DLC1: variants seen among roughly 807,000 people sequenced by gnomAD.
DLC1 encodes DLC1 Rho GTPase activating protein, also known as rho GTPase-activating protein 7.
DLC1 carries 54 observed loss-of-function variants against 140.3 expected under a neutral mutation model. That is an observed-to-expected ratio of 0.38 (90% CI 0.31 to 0.48). DLC1 has a LOEUF of 0.48. Ranked by LOEUF, DLC1 falls within the 20% of genes least tolerant of loss-of-function variation. The pLI is 0.96. For missense variants in DLC1, 2,536 were observed against 1,907.0 expected, an observed-to-expected ratio of 1.33 and a Z score of -6.14; for synonymous variants, 986 against 728.1, an observed-to-expected ratio of 1.35 and a Z score of -5.70.
At chr8:13,566,743 G>A (rs1038866390) in intron 1 of DLC1, 8 of 493,626 alleles carry the variant, frequency 1.6e-5, no homozygotes, top group Middle Eastern at 5.3e-4. Flanking sequence ...TCGCCAACCC[G>A]GCGCAAGCAG....
intron 4 of DLC1, among the ~76,000 whole-genome samples, chr8:13,343,632 TAAGTGACCTGCCA>T (rs1173085139): frequency 6.6e-6 from 1 of 152,192 alleles, no homozygotes; most frequent in African/African-American, 2.4e-5. Context: ...TCTAGGATAT[TAAGTGACCTGCCA>T]AAGTCAAGCT....
chr8:13,276,173 G>T, intron 5 of DLC1: 1 of 1,491,022 alleles, frequency 6.7e-7, no homozygotes, highest in Non-Finnish European at 8.9e-7. Context: ...GATCATTCAT[G>T]AACCAAGCTT....
At chr8:13,460,377 C>G (rs1799605027) in intron 2 of DLC1, among the ~76,000 whole-genome samples, 1 of 152,230 alleles carries the variant, frequency 6.6e-6, no homozygotes, top group Non-Finnish European at 1.5e-5. Context: ...GACTTCTGTA[C>G]AGATTCACCG....
intron 5 of DLC1, among the ~76,000 whole-genome samples, chr8:13,221,398 C>T (rs984521354): frequency 6.7e-6 from 1 of 150,232 alleles, no homozygotes; most frequent in Non-Finnish European, 1.5e-5. Context: ...TGAGACGGAG[C>T]CTTGCTCTGT....
At chr8:13,132,914 G>C (rs761646447) in intron 5 of DLC1, 3 of 1,582,306 alleles carry the variant, frequency 1.9e-6, no homozygotes, top group African/African-American at 1.3e-5. Context: ...CCCGCGGCCA[G>C]CCCGACGGCA....
chr8:13,273,721 T>TGTGTGTGTGTGTGTGG (rs1831044668), intron 5 of DLC1, among the ~76,000 whole-genome samples: 1 of 124,188 alleles, frequency 8.1e-6, no homozygotes, highest in African/African-American at 3.2e-5. Context: ...TGTGTGTGTG[T>TGTGTGTGTGTGTGTGG]GTGTGTGTAA....
chr8:13,203,327 G>A (rs1206267489), intron 5 of DLC1, among the ~76,000 whole-genome samples: 2 of 151,982 alleles, frequency 1.3e-5, no homozygotes, highest in East Asian at 3.9e-4. Context: ...ACAATACCTG[G>A]GCTACTCAGC....
intron 4 of DLC1, among the ~76,000 whole-genome samples, chr8:13,310,861 G>A (rs891272125): frequency 2.0e-5 from 3 of 152,062 alleles, no homozygotes; most frequent in African/African-American, 4.8e-5. Flanking sequence ...GGGATTTAGA[G>A]ATCATTCATT....
intron 4 of DLC1, among the ~76,000 whole-genome samples, chr8:13,348,328 A>T (rs1475242488): frequency 2.6e-5 from 4 of 152,166 alleles, no homozygotes; most frequent in Admixed American, 2.6e-4. Flanking sequence ...GTAAAAAACT[A>T]AACTAGTGAT....
chr8:13,586,461 A>G (rs185996972), intron 1 of DLC1, among the ~76,000 whole-genome samples: 9 of 152,282 alleles, frequency 5.9e-5, no homozygotes, highest in African/African-American at 2.2e-4. Context: ...GATGTTAAAG[A>G]TATAAGAAAT....
chr8:13,371,881 T>C (rs1835747258), intron 4 of DLC1, among the ~76,000 whole-genome samples: 1 of 152,102 alleles, frequency 6.6e-6, no homozygotes, highest in Admixed American at 6.6e-5. Context: ...AATGAGTAAA[T>C]GTAATGTACA....
intron 2 of DLC1, among the ~76,000 whole-genome samples, chr8:13,489,433 A>ACACG (rs1167312174): frequency 2.7e-5 from 4 of 150,884 alleles, no homozygotes; most frequent in African/African-American, 9.7e-5. Context: ...ACACACACAC[A>ACACG]CACACACACA....
At chr8:13,477,985 T>C (rs1800513459) in intron 2 of DLC1, among the ~76,000 whole-genome samples, 1 of 152,046 alleles carries the variant, frequency 6.6e-6, no homozygotes, top group South Asian at 2.1e-4. Context: ...TTTGAGAAAA[T>C]ATTACATTTG....
At chr8:13,536,904 A>G (rs2117320198) in intron 1 of DLC1, among the ~76,000 whole-genome samples, 1 of 152,292 alleles carries the variant, frequency 6.6e-6, no homozygotes, top group South Asian at 2.1e-4. Flanking sequence ...TCTGTTCCAA[A>G]ATTACTATAT....
In DLC1 at chr8:13,303,083, G is replaced by GA. The variant is rs974610982; in HGVS notation, c.1348+2185dup. On this transcript the variant is annotated intron_variant, in intron 5 of 17. Coordinates refer to ENST00000276297, the MANE Select transcript of DLC1 (RefSeq NM_182643.3). The stretch of plus-strand genomic sequence containing the variant: ...TCTTGACAGGTAAATTCACTGCCTT[G>GA]AAAAAAAATCCTTTATTTCTTAAAT... Among the ~76,000 whole-genome samples the GA allele has an allele frequency of 4.0e-5, 6 of 151,632 alleles. 1 individual carries two copies. The South Asian group carries it at 1.3e-3, about 32-fold the overall frequency.
chr8:13,567,339 T>C, intron 1 of DLC1: 2 of 1,551,564 alleles, frequency 1.3e-6, no homozygotes, highest in Non-Finnish European at 1.7e-6. Flanking sequence ...GGGTATCAGA[T>C]GAAGAATTGA....
In DLC1 at chr8:13,381,146, A is replaced by G. The variant is rs530210128; in HGVS notation, c.1314+12407T>C. Reference sequence around the variant, plus strand: ...CCAGAGGAGGTGTGGCTGTATTAGTATGAGCTAAATTCTTAAATTTGGCTG... The same window carrying G: ...CCAGAGGAGGTGTGGCTGTATTAGTGTGAGCTAAATTCTTAAATTTGGCTG... On this transcript the variant is annotated intron_variant, in intron 4 of 17. Transcript: ENST00000276297. 1.2e-4 allele frequency among the ~76,000 whole-genome samples: 19 copies of G among 152,264 alleles called. No homozygotes were observed. In the South Asian group the frequency reaches 2.9e-3, roughly 23 times the overall value.
intron 5 of DLC1, among the ~76,000 whole-genome samples, chr8:13,174,646 G>A (rs1825665846): frequency 6.6e-6 from 1 of 151,980 alleles, no homozygotes; most frequent in East Asian, 1.9e-4. Flanking sequence ...TATGTTTGTT[G>A]GCTGCTTGTA....
chr8:13,299,076 A>C (rs892030392), intron 5 of DLC1, among the ~76,000 whole-genome samples: 2 of 152,148 alleles, frequency 1.3e-5, no homozygotes, highest in African/African-American at 4.8e-5. Flanking sequence ...AAGAGAGAAC[A>C]CATTATAAGT....
Sources: gnomAD v4.1 joint callset for allele counts (sites outside exome capture counted in the v4.1 genomes callset) on GRCh38, gnomAD v4.1.1 for gene constraint, MANE v1.5 for transcripts, NCBI Gene and HGNC (gene_info 2026-07-23, HGNC 2026-07-21) for gene names.